Variants in PACRGL observed in about 807,000 individuals in gnomAD.
The protein encoded by PACRGL is parkin coregulated like.
PACRGL carries 38 observed loss-of-function variants against 34.5 expected under a neutral mutation model. That is an observed-to-expected ratio of 1.10 (90% CI 0.85 to 1.44). The LOEUF (loss-of-function observed/expected upper bound fraction) is 1.44. PACRGL is among the 40% of genes most tolerant of loss of function. The pLI, the probability that PACRGL is intolerant of heterozygous loss-of-function variation, is 0.00. For missense variants in PACRGL, 305 were observed against 281.4 expected, an observed-to-expected ratio of 1.08 and a Z score of -0.60; for synonymous variants, 128 against 100.1, an observed-to-expected ratio of 1.28 and a Z score of -1.66.
At chr4:20,766,701 C>T in the PACRGL span, 1 of 152,228 alleles carries the variant, frequency 6.6e-6, no homozygotes, top group Non-Finnish European at 1.5e-5. Flanking sequence ...GCTGCTAAGC[C>T]TGACCTCATG....
chr4:20,722,183 A>G (rs1560358241), intron 7 of PACRGL, among the ~76,000 whole-genome samples: 2 of 152,216 alleles, frequency 1.3e-5, no homozygotes, highest in South Asian at 4.1e-4. Context: ...AAAGTGCAGT[A>G]TTAAGTTGGG....
intron 8 of PACRGL, among the ~76,000 whole-genome samples, 167 bp from the exon 9 acceptor site, chr4:20,727,118 C>T (rs1746047603): frequency 6.6e-6 from 1 of 152,068 alleles, no homozygotes; most frequent in African/African-American, 2.4e-5. Context: ...AAAGAAACAG[C>T]CTATATTTTA....
At chr4:20,756,403 T>G (rs182679577), downstream of PACRGL, among the ~76,000 whole-genome samples, 4 of 152,274 alleles carry the variant, frequency 2.6e-5, no homozygotes, top group Non-Finnish European at 5.9e-5. Flanking sequence ...TTTATCTCTT[T>G]TCTTTTCTAT....
In PACRGL at chr4:20,732,547, A is replaced by G; in HGVS notation, c.*5206A>G. The G allele has an allele frequency of 1.5e-6, 1 of 668,470 alleles. No homozygotes were observed. Among genetic ancestry groups the G allele is most frequent in the Non-Finnish European group, 2.7e-6 (1 of 376,570 alleles). 41.4% of individuals were successfully genotyped at this position (668,470 alleles called of 1,614,324 possible). A position where few individuals can be genotyped will look rare whatever the true frequency, so the allele number is the denominator to read the frequency against. On this transcript the variant is annotated 3_prime_UTR_variant, in exon 9 of 9. Transcript: ENST00000503585. The stretch of plus-strand genomic sequence containing the variant: ...TCAAAACCAAAGCTATTAAATTAAT[A>G]GGATGCTAAATACTGTTTTGTTTCA...
chr4:20,736,308 A>C (rs1175973710), downstream of PACRGL, among the ~76,000 whole-genome samples: 1 of 152,172 alleles, frequency 6.6e-6, no homozygotes, highest in Non-Finnish European at 1.5e-5. Context: ...AATACATCGT[A>C]GTTTATTTAA....
chr4:20,718,547 C>G (rs1741312620), intron 7 of PACRGL, among the ~76,000 whole-genome samples: 2 of 152,096 alleles, frequency 1.3e-5, no homozygotes, highest in Non-Finnish European at 2.9e-5. Context: ...TGAAGGGTTG[C>G]TGATTTTGAC....
At chr4:20,735,379 A>G (rs1749334269), downstream of PACRGL, among the ~76,000 whole-genome samples, 1 of 152,170 alleles carries the variant, frequency 6.6e-6, no homozygotes, top group South Asian at 2.1e-4. Context: ...ATGAGGATTA[A>G]AAAAGAGGCT....
chr4:20,720,464 G>C (rs1038909631), intron 7 of PACRGL, among the ~76,000 whole-genome samples: 1 of 152,186 alleles, frequency 6.6e-6, no homozygotes, highest in African/African-American at 2.4e-5. Flanking sequence ...GCAGTGGCTG[G>C]TACAGGTTGT....
chr4:20,716,170 C>G (rs1187601349), intron 7 of PACRGL: 1 of 1,280,694 alleles, frequency 7.8e-7, no homozygotes, highest in Non-Finnish European at 1.1e-6. Context: ...CCAGAAGGAT[C>G]CATGGAACTC....
In PACRGL at chr4:20,727,364, T is replaced by C. The variant is rs1746211058; in HGVS notation, c.*23T>C. 5 of 1,585,830 alleles carry C rather than the reference T, an allele frequency of 3.2e-6. No individual in the cohort carries two copies. The highest frequency in any genetic ancestry group is 2.2e-5 in the East Asian group (1 of 44,680). ...TGAAGAAGGGAGCCAACAAAAATTG[T>C]TTTTTCTACCTGTTGACGTGTCAAG... On this transcript the variant is annotated 3_prime_UTR_variant, in exon 9 of 9. Coordinates refer to ENST00000503585, the MANE Select transcript of PACRGL (RefSeq NM_001258345.3).
At chr4:20,726,718 C>T in intron 8 of PACRGL, among the ~76,000 whole-genome samples, 1 of 152,146 alleles carries the variant, frequency 6.6e-6, no homozygotes, top group Admixed American at 6.6e-5. Context: ...AGGAAAATAT[C>T]TGTTACAGAT....
chr4:20,720,467 C>T (rs1450977975), intron 7 of PACRGL, among the ~76,000 whole-genome samples: 3 of 152,172 alleles, frequency 2.0e-5, no homozygotes, highest in African/African-American at 4.8e-5. Flanking sequence ...GTGGCTGGTA[C>T]AGGTTGTTCC....
chr4:20,712,009 A>G (rs1487942757), intron 5 of PACRGL, among the ~76,000 whole-genome samples: 1 of 152,116 alleles, frequency 6.6e-6, no homozygotes, highest in African/African-American at 2.4e-5. Context: ...TCTTATAGCC[A>G]TGCATTCATA....
At chr4:20,699,281 G>A (rs1731459164), upstream of PACRGL, among the ~76,000 whole-genome samples, 4 of 151,888 alleles carry the variant, frequency 2.6e-5, no homozygotes, top group Admixed American at 1.3e-4. Context: ...CATGCATTGC[G>A]CTAGGCATTG....
chr4:20,703,700 C>G (rs995065088), intron 1 of PACRGL, among the ~76,000 whole-genome samples: 1 of 152,238 alleles, frequency 6.6e-6, no homozygotes, highest in East Asian at 1.9e-4. Context: ...AAAACCTTGA[C>G]AGGCTTTTAT....
chr4:20,730,711 A>C lies in PACRGL; in HGVS notation c.*3370A>C, dbSNP rs7688805. The stretch of plus-strand genomic sequence containing the variant: ...ATGGTCTCTCAATTACAGAGAAAGA[A>C]TTGGGGAGCAGAAACCACTGCTCAG... On this transcript the variant is annotated 3_prime_UTR_variant, in exon 9 of 9. Transcript: ENST00000503585. Among the ~76,000 whole-genome samples, 18,001 of 152,202 alleles carry C rather than the reference A, an allele frequency of 0.12. 1,335 individuals are homozygous for C. Among genetic ancestry groups the C allele is most frequent in the African/African-American group, 0.21 (8,532 of 41,518 alleles).
rs1748457640 is a variant in PACRGL, at chr4:20,732,185, GA to G, written c.*4845del. 1.4e-6 allele frequency: 1 copy of G among 706,728 alleles called. No homozygotes were observed. The highest frequency in any genetic ancestry group is 2.4e-6 in the Non-Finnish European group (1 of 418,822). The allele number at this position is 706,728 out of a possible 1,614,324, so 43.8% of individuals were successfully genotyped here. On this transcript the variant is annotated 3_prime_UTR_variant, in exon 9 of 9. Transcript: ENST00000503585. The stretch of plus-strand genomic sequence containing the variant: ...CCTAGCTGCTTATTTATTTCACGTG[GA>G]GGAACTGTTTCAGAGCAGGAACCAG...
intron 1 of PACRGL, among the ~76,000 whole-genome samples, chr4:20,703,735 G>C (rs950757185): frequency 6.6e-6 from 1 of 152,162 alleles, no homozygotes; most frequent in African/African-American, 2.4e-5. Context: ...AGGTCAGGAA[G>C]TCGAGGTTTA....
Position 20,731,546 on chromosome 4 carries a change from T to A in PACRGL, c.*4205T>A. On this transcript the variant is annotated 3_prime_UTR_variant, in exon 9 of 9. Coordinates refer to ENST00000503585, the MANE Select transcript of PACRGL (RefSeq NM_001258345.3). Reference sequence around the variant, plus strand: ...TAGTGAGTTCAGTCAAAGAGCCATTTCTTGTCCACATACACTAAAACAATG... The same window carrying A: ...TAGTGAGTTCAGTCAAAGAGCCATTACTTGTCCACATACACTAAAACAATG... The A allele has an allele frequency of 1.0e-5, 10 of 985,430 alleles. No individual in the cohort carries two copies. Among genetic ancestry groups the A allele is most frequent in the Non-Finnish European group, 1.2e-5 (10 of 829,926 alleles). 61.0% of individuals were successfully genotyped at this position (985,430 alleles called of 1,614,324 possible). A position where few individuals can be genotyped will look rare whatever the true frequency, so the allele number is the denominator to read the frequency against.
Sources: allele counts gnomAD v4.1 joint callset (sites outside exome capture counted in the v4.1 genomes callset), GRCh38; gene constraint gnomAD v4.1.1; transcripts MANE v1.5; gene names NCBI Gene and HGNC (gene_info 2026-07-23, HGNC 2026-07-21).